Variants in CDH18 observed in about 807,000 individuals in gnomAD.
CDH18 encodes cadherin 18.
Under a neutral mutation model 67.9 loss-of-function variants are expected in CDH18, and 31 were observed. That is an observed-to-expected ratio of 0.46 (90% CI 0.34 to 0.62). The LOEUF is 0.62. Among genes scored for constraint, CDH18 ranks in the 20% least tolerant of loss-of-function variants. The pLI is 0.01. For missense variants in CDH18, 890 were observed against 975.5 expected (o/e 0.91, Z 1.17); for synonymous variants, 362 against 347.2 (o/e 1.04, Z -0.48).
chr5:19,735,333 G>A (rs1460407871), intron 4 of CDH18, among the ~76,000 whole-genome samples: 1 of 150,970 alleles, frequency 6.6e-6, no homozygotes, highest in African/African-American at 2.4e-5. Flanking sequence ...TCTCTTTGCT[G>A]AAAAGACAAT....
intron 5 of CDH18, among the ~76,000 whole-genome samples, chr5:19,654,095 C>T (rs1755975215): frequency 6.6e-6 from 1 of 152,082 alleles, no homozygotes; most frequent in African/African-American, 2.4e-5. Flanking sequence ...TTGTTTAGTC[C>T]CCAGCCTTTC....
chr5:20,530,534 A>G (rs1323516560), intron 1 of CDH18, among the ~76,000 whole-genome samples: 1 of 152,072 alleles, frequency 6.6e-6, no homozygotes, highest in Non-Finnish European at 1.5e-5. Context: ...TGGTACAAAA[A>G]CAGGCACATA....
chr5:19,607,121 C>G (rs1056180843), intron 6 of CDH18, among the ~76,000 whole-genome samples: 1 of 151,448 alleles, frequency 6.6e-6, no homozygotes, highest in Non-Finnish European at 1.5e-5. Flanking sequence ...TATAGAAAAG[C>G]TGAGAAAATT....
At chr5:20,527,751 C>T (rs1756156318) in intron 1 of CDH18, among the ~76,000 whole-genome samples, 1 of 152,082 alleles carries the variant, frequency 6.6e-6, no homozygotes, top group Admixed American at 6.5e-5. Context: ...GCAAGAGCTC[C>T]TGTAGAAAGC....
Position 20,531,282 on chromosome 5 carries a change from C to T in CDH18, c.-580+44180G>A, listed in dbSNP as rs530449309. On this transcript the variant is annotated intron_variant, in intron 1 of 14. Coordinates refer to the CDH18 transcript ENST00000507958. ...GTGGAAAAATAGGAATGCTTTTACA[C>T]TGTTGGTGGAAATGTAAATTAATTC... Among the ~76,000 whole-genome samples the T allele has an allele frequency of 2.6e-5, 4 of 152,204 alleles. No homozygotes were observed. The South Asian group carries it at 6.2e-4, about 24-fold the overall frequency.
intron 5 of CDH18, among the ~76,000 whole-genome samples, chr5:19,618,325 C>T (rs1009667191): frequency 6.6e-6 from 1 of 151,828 alleles, no homozygotes; most frequent in African/African-American, 2.4e-5. Context: ...CCTGCGTTCG[C>T]TTCCTGAGTA....
At chr5:19,495,115 T>C (rs1174340066) in intron 11 of CDH18, among the ~76,000 whole-genome samples, 1 of 152,132 alleles carries the variant, frequency 6.6e-6, no homozygotes, top group Admixed American at 6.6e-5. Flanking sequence ...ACAGGGAATA[T>C]TGGTTGAAAT....
At chr5:20,515,741 C>T (rs1447160786) in intron 1 of CDH18, among the ~76,000 whole-genome samples, 2 of 152,006 alleles carry the variant, frequency 1.3e-5, no homozygotes, top group Admixed American at 1.3e-4. Flanking sequence ...TTCTTTATAT[C>T]CAAAGTTAGC....
At chr5:20,266,032 T>G (rs1245130737) in intron 1 of CDH18, among the ~76,000 whole-genome samples, 6 of 152,182 alleles carry the variant, frequency 3.9e-5, no homozygotes, top group African/African-American at 1.4e-4. Flanking sequence ...TCCTCTTGGA[T>G]AGAGGCACTC....
chr5:19,805,765 ATATT>A (rs556767337), intron 3 of CDH18, among the ~76,000 whole-genome samples: 1 of 152,258 alleles, frequency 6.6e-6, no homozygotes, highest in African/African-American at 2.4e-5. Context: ...ATCTTAAAAA[ATATT>A]TAATCAATCT....
chr5:20,344,833 T>G (rs942468625), intron 1 of CDH18, among the ~76,000 whole-genome samples: 4 of 152,044 alleles, frequency 2.6e-5, no homozygotes, highest in Non-Finnish European at 5.9e-5. Flanking sequence ...GATCTCAAAA[T>G]AAAAATTATA....
intron 1 of CDH18, among the ~76,000 whole-genome samples, chr5:20,429,546 TC>T (rs1748578987): frequency 6.6e-6 from 1 of 152,162 alleles, no homozygotes; most frequent in South Asian, 2.1e-4. Flanking sequence ...ATACTGTCTT[TC>T]CCTTTTTCTT....
chr5:20,393,135 C>T (rs1745006549), intron 1 of CDH18, among the ~76,000 whole-genome samples: 1 of 151,740 alleles, frequency 6.6e-6, no homozygotes. Flanking sequence ...CTATATTATG[C>T]TAATATAATC....
chr5:19,816,868 G>C lies in CDH18; in HGVS notation c.228+21891C>G, dbSNP rs377548030. 2.3e-4 allele frequency among the ~76,000 whole-genome samples: 35 copies of C among 151,870 alleles called. No individual in the cohort carries two copies. In the East Asian group the frequency reaches 3.9e-3, roughly 17 times the overall value. On this transcript the variant is annotated intron_variant, in intron 3 of 12. Transcript: ENST00000382275. ...AAACAAAATATAATTTCAGTCAAAAGAGTGCAAAGAATTACTATATTAAAA... is the reference window on the plus strand; with the variant it reads ...AAACAAAATATAATTTCAGTCAAAACAGTGCAAAGAATTACTATATTAAAA...
At chr5:19,954,577 A>G (rs1796078155) in intron 2 of CDH18, among the ~76,000 whole-genome samples, 1 of 152,110 alleles carries the variant, frequency 6.6e-6, no homozygotes, top group Non-Finnish European at 1.5e-5. Flanking sequence ...ATGTTGGAAC[A>G]TCAAAAATTA....
chr5:19,956,669 T>C (rs1207948114), intron 2 of CDH18, among the ~76,000 whole-genome samples: 1 of 148,266 alleles, frequency 6.7e-6, no homozygotes, highest in Non-Finnish European at 1.5e-5. Context: ...AAGTCTCTTG[T>C]AATATAAATA....
At chr5:19,565,989 C>T (rs1384891072) in intron 8 of CDH18, among the ~76,000 whole-genome samples, 3 of 151,682 alleles carry the variant, frequency 2.0e-5, no homozygotes, top group African/African-American at 7.3e-5. Flanking sequence ...GGATTAATAA[C>T]CGGAATATAA....
At chr5:20,275,782 C>T (rs1268079736) in intron 1 of CDH18, among the ~76,000 whole-genome samples, 2 of 152,144 alleles carry the variant, frequency 1.3e-5, no homozygotes, top group Non-Finnish European at 2.9e-5. Context: ...ATCACTGAAA[C>T]AGGCTCTGAA....
At chr5:20,261,863 T>A (rs2126635400) in intron 1 of CDH18, among the ~76,000 whole-genome samples, 1 of 152,272 alleles carries the variant, frequency 6.6e-6, no homozygotes, top group South Asian at 2.1e-4. Context: ...CTCCACTATG[T>A]AATATAATTA....
Sources: gnomAD v4.1 joint callset for allele counts (sites outside exome capture counted in the v4.1 genomes callset) on GRCh38, gnomAD v4.1.1 for gene constraint, MANE v1.5 for transcripts, NCBI Gene and HGNC (gene_info 2026-07-23, HGNC 2026-07-21) for gene names.